Variants in PCDHGA9 observed in about 807,000 individuals in gnomAD.
PCDHGA9 encodes the protein protocadherin gamma-A9.
Under a neutral mutation model 62.5 loss-of-function variants are expected in PCDHGA9, and 37 were observed. That is an observed-to-expected ratio of 0.59 (90% CI 0.46 to 0.78). PCDHGA9 has a LOEUF of 0.78. PCDHGA9 is among the 30% of genes least tolerant of loss of function. PCDHGA9 has a pLI of 0.00. For synonymous variants in PCDHGA9, 459 were observed against 484.6 expected (o/e 0.95, Z 0.69); for missense variants, 1,138 against 1,166.2 (o/e 0.98, Z 0.35).
chr5:141,475,950 C>A, intron 1 of PCDHGA9: 1 of 761,530 alleles, frequency 1.3e-6, no homozygotes, highest in African/African-American at 1.7e-5. Flanking sequence ...CCCCTTTCTG[C>A]GCCCCGGGAT....
In PCDHGA9 at chr5:141,489,662, G is replaced by C; in HGVS notation, c.2425-5145G>C. 8.1e-6 allele frequency: 13 copies of C among 1,614,144 alleles called. No individual in the cohort carries two copies. The highest frequency in any genetic ancestry group is 1.1e-5 in the Non-Finnish European group (13 of 1,180,010). On this transcript the variant is annotated intron_variant, in intron 1 of 3. Coordinates refer to ENST00000573521, the MANE Select transcript of PCDHGA9 (RefSeq NM_018921.3). This position sits in a 1 kb window ranked among gnomAD's most constrained non-coding sequence, Gnocchi z 4.5. The stretch of plus-strand genomic sequence containing the variant: ...TTTGCCACCCCTGAGCGAGAGATGC[G>C]CATCTCAGAATCAGCAGCATCTGGG...
chr5:141,432,281 A>C lies in PCDHGA9; in HGVS notation c.2424+26905A>C, dbSNP rs1313887209. 1 of 1,614,188 alleles carries C rather than the reference A, an allele frequency of 6.2e-7. No individual in the cohort carries two copies. The highest frequency in any genetic ancestry group is 1.1e-5 in the South Asian group (1 of 91,084). On this transcript the variant is annotated intron_variant, in intron 1 of 3. Coordinates refer to ENST00000573521, the MANE Select transcript of PCDHGA9 (RefSeq NM_018921.3). The surrounding 1 kb of genome is among the most constrained non-coding windows in gnomAD (Gnocchi z 6.0). The stretch of plus-strand genomic sequence containing the variant: ...AAGCCTATCGTCCTACGTGTCCATC[A>C]ACTCCGACACTGGGGTACTGTATGC...
At chr5:141,409,786 C>A in intron 1 of PCDHGA9, 11 of 1,612,124 alleles carry the variant, frequency 6.8e-6, no homozygotes, top group Non-Finnish European at 9.3e-6. Flanking sequence ...TGCGCGCCTT[C>A]GCGCTCACGC....
intron 1 of PCDHGA9, chr5:141,427,649 C>T (rs1283312654): frequency 1.4e-6 from 1 of 717,274 alleles, no homozygotes; most frequent in East Asian, 2.7e-5. Context: ...AAGTCTCCTA[C>T]GTGGTCCACG....
intron 1 of PCDHGA9, among the ~76,000 whole-genome samples, chr5:141,470,600 G>A (rs890975756): frequency 4.6e-5 from 7 of 152,142 alleles, no homozygotes; most frequent in South Asian, 2.1e-4. Context: ...CGACCTGTGC[G>A]GGGACACAGG....
intron 1 of PCDHGA9, chr5:141,421,414 C>A (rs2096570568): frequency 1.9e-6 from 3 of 1,614,066 alleles, no homozygotes; most frequent in South Asian, 2.2e-5. Flanking sequence ...GCTGGCGAAG[C>A]GCGGAGTCCG....
intron 1 of PCDHGA9, among the ~76,000 whole-genome samples, chr5:141,468,952 G>GTT (rs34870721): frequency 3.3e-5 from 5 of 151,198 alleles, no homozygotes; most frequent in Admixed American, 6.6e-5. Flanking sequence ...TAAACCTGTG[G>GTT]TTTTTTTTAC....
intron 1 of PCDHGA9, chr5:141,423,380 G>A: frequency 6.2e-7 from 1 of 1,614,178 alleles, no homozygotes; most frequent in Non-Finnish European, 8.5e-7. Context: ...CTCAGGCTGT[G>A]GCGCTGGCAT....
chr5:141,437,800 C>G (rs963856257), intron 1 of PCDHGA9, among the ~76,000 whole-genome samples: 1 of 150,744 alleles, frequency 6.6e-6, no homozygotes, highest in African/African-American at 2.4e-5. Flanking sequence ...TGCAGTGGCA[C>G]TATCTTGGCT....
intron 1 of PCDHGA9, among the ~76,000 whole-genome samples, chr5:141,481,103 C>G (rs190529217): frequency 2.6e-4 from 39 of 152,252 alleles, no homozygotes; most frequent in Non-Finnish European, 3.4e-4. Context: ...TACTCTGGAA[C>G]CTACCAATCC....
intron 1 of PCDHGA9, chr5:141,411,226 C>G (rs781690096): frequency 6.6e-6 from 1 of 151,996 alleles, no homozygotes; most frequent in South Asian, 2.1e-4. Flanking sequence ...TTCAAATTTG[C>G]GAAGACTTAG....
chr5:141,494,746 C>A lies in PCDHGA9; in HGVS notation c.2425-61C>A. 3 of 1,613,088 alleles carry A rather than the reference C, an allele frequency of 1.9e-6. No individual in the cohort carries two copies. The South Asian group carries it at 3.3e-5, about 18-fold the overall frequency. On this transcript the variant is annotated intron_variant, in intron 1 of 3. Coordinates refer to ENST00000573521, the MANE Select transcript of PCDHGA9 (RefSeq NM_018921.3). ...TTCTCTCCCGGCCCATCCCTAGGGG[C>A]TCGGGTGACATTCTAACTTCTCACG...
intron 1 of PCDHGA9, among the ~76,000 whole-genome samples, chr5:141,452,356 C>G (rs1008914676): frequency 6.6e-6 from 1 of 152,148 alleles, no homozygotes; most frequent in African/African-American, 2.4e-5. Flanking sequence ...ATCCAAAAGC[C>G]TTGCTTCATT....
chr5:141,502,282 C>A (rs187281689), intron 2 of PCDHGA9, among the ~76,000 whole-genome samples: 1 of 151,848 alleles, frequency 6.6e-6, no homozygotes, highest in Non-Finnish European at 1.5e-5. Flanking sequence ...GCATAGATTG[C>A]ATTTGGTTGT....
intron 1 of PCDHGA9, chr5:141,419,262 G>C: frequency 1.9e-6 from 3 of 1,614,014 alleles, no homozygotes; most frequent in Non-Finnish European, 2.5e-6. Context: ...AACCAGCCGG[G>C]TGCCTCCATA....
chr5:141,430,017 CTTG>C (rs1203011013), intron 1 of PCDHGA9, among the ~76,000 whole-genome samples: 6 of 152,096 alleles, frequency 3.9e-5, no homozygotes, highest in African/African-American at 1.2e-4. Context: ...CACTTGGGTT[CTTG>C]TTAAGTGTGA....
chr5:141,442,779 A>G (rs1453800627), intron 1 of PCDHGA9, among the ~76,000 whole-genome samples: 1 of 152,160 alleles, frequency 6.6e-6, no homozygotes, highest in Non-Finnish European at 1.5e-5. Context: ...GTTTGATTAT[A>G]TTTTATAATT....
chr5:141,511,233 TACCTGC>T lies in PCDHGA9; in HGVS notation c.*64_*69del. 4 of 1,595,428 alleles carry T rather than the reference TACCTGC, an allele frequency of 2.5e-6. No individual in the cohort carries two copies. The highest frequency in any genetic ancestry group is 3.4e-6 in the Non-Finnish European group (4 of 1,170,894). ...CTCCCCAACCAGCCCAGCTTCTCCT[TACCTGC>T]ACCCAGGCCTCAGAGTTTCAGGGCT... On this transcript the variant is annotated 3_prime_UTR_variant, in exon 4 of 4. Transcript: ENST00000573521.
At position 141,490,521 on chromosome 5, in the gene PCDHGA9, C is replaced by T. The variant is rs146064810; in HGVS notation, c.2425-4286C>T. The stretch of plus-strand genomic sequence containing the variant: ...ACTATATCATCGAGCTGCTGGCCAG[C>T]GATGCTGGTTCACCTTCCCTACACA... On this transcript the variant is annotated intron_variant, in intron 1 of 3. Coordinates refer to ENST00000573521, the MANE Select transcript of PCDHGA9 (RefSeq NM_018921.3). This position sits in a 1 kb window ranked among gnomAD's most constrained non-coding sequence, Gnocchi z 5.4. The T allele has an allele frequency of 1.0e-4, 166 of 1,614,058 alleles. No individual in the cohort carries two copies. In the African/African-American group the frequency reaches 1.7e-3, roughly 16 times the overall value.
Sources: gnomAD v4.1 joint callset for allele counts (sites outside exome capture counted in the v4.1 genomes callset) on GRCh38, gnomAD v4.1.1 for gene constraint, Gnocchi (gnomAD v3.1) non-coding constraint, MANE v1.5 for transcripts, NCBI Gene and HGNC (gene_info 2026-07-23, HGNC 2026-07-21) for gene names.